ITSN2: variants seen among roughly 807,000 people sequenced by gnomAD.
ITSN2 encodes intersectin-2.
ITSN2 carries 156 observed loss-of-function variants against 243.7 expected under a neutral mutation model. That is an observed-to-expected ratio of 0.64 (90% confidence interval 0.56 to 0.73). ITSN2 has a LOEUF of 0.73. Among genes scored for constraint, ITSN2 ranks in the 30% least tolerant of loss-of-function variants. ITSN2 has a pLI of 0.00. For synonymous variants in ITSN2, 703 were observed against 699.9 expected, an observed-to-expected ratio of 1.00 and a Z score of -0.07; for missense variants, 1,801 against 1,996.1, an observed-to-expected ratio of 0.90 and a Z score of 1.86.
chr2:24,244,818 T>C (rs770830231), intron 29 of ITSN2, among the ~76,000 whole-genome samples: 5 of 152,200 alleles, frequency 3.3e-5, no homozygotes, highest in Non-Finnish European at 7.4e-5. Context: ...TTGGGAAACT[T>C]AGTTGCTTTA....
At chr2:24,281,996 G>C (rs1386028699) in intron 17 of ITSN2, among the ~76,000 whole-genome samples, 1 of 152,216 alleles carries the variant, frequency 6.6e-6, no homozygotes, top group Non-Finnish European at 1.5e-5. Context: ...GAGTGGGCCA[G>C]GGAAGTACTG....
intron 1 of ITSN2, among the ~76,000 whole-genome samples, chr2:24,338,348 G>C (rs1314470333): frequency 6.6e-6 from 1 of 152,052 alleles, no homozygotes; most frequent in Non-Finnish European, 1.5e-5. Context: ...CACCTTTCTG[G>C]ATGGAACCAA....
In ITSN2 at chr2:24,209,997, G is replaced by A. The variant is rs1669309597; in HGVS notation, c.4294C>T (p.Pro1432Ser). 5.6e-6 allele frequency: 9 copies of A among 1,613,906 alleles called. No homozygotes were observed. Among genetic ancestry groups the A allele is most frequent in the Non-Finnish European group, 5.1e-6 (6 of 1,179,922 alleles). Reference protein sequence around the residue: ...IFNSLTNCLGPRKLLHSGKLY... With the variant: ...IFNSLTNCLGSRKLLHSGKLY... ...TTCCCACTGTGTAAGAGCTTCCGGG[G>A]CCCCAGGCAGTTGGTGAGAGAGTTG... Residue 1432 changes from proline to serine, a missense_variant, in exon 35 of 40, where the codon CCC becomes TCC. Pro to Ser is a moderately conservative substitution (Grantham distance 74). Coordinates refer to ENST00000355123, the MANE Select transcript of ITSN2 (RefSeq NM_006277.3).
At chr2:24,264,397 A>AAAAG (rs1393830755) in intron 20 of ITSN2, among the ~76,000 whole-genome samples, 2 of 117,100 alleles carry the variant, frequency 1.7e-5, no homozygotes, top group Admixed American at 1.9e-4. Flanking sequence ...TCAAAAAAAA[A>AAAAG]AAAGAAAGAA....
At chr2:24,265,046 C>T (rs988817726) in intron 20 of ITSN2, among the ~76,000 whole-genome samples, 8 of 152,146 alleles carry the variant, frequency 5.3e-5, no homozygotes, top group African/African-American at 1.9e-4. Flanking sequence ...CCATTTTGGT[C>T]TCCCAAAGTG....
At chr2:24,350,127 A>AT (rs1273294609) in intron 1 of ITSN2, among the ~76,000 whole-genome samples, 2 of 152,208 alleles carry the variant, frequency 1.3e-5, no homozygotes, top group African/African-American at 4.8e-5. Flanking sequence ...GCCTATTCTA[A>AT]TACATAAATA....
intron 29 of ITSN2, among the ~76,000 whole-genome samples, chr2:24,236,796 A>G (rs1252063864): frequency 6.6e-6 from 1 of 150,642 alleles, no homozygotes; most frequent in East Asian, 1.9e-4. Flanking sequence ...CAGCCTCCTG[A>G]GTAGCTAGGA....
chr2:24,248,334 A>G (rs998768576), intron 27 of ITSN2, among the ~76,000 whole-genome samples: 3 of 152,176 alleles, frequency 2.0e-5, no homozygotes. Flanking sequence ...GGGAAAGATG[A>G]TGCTGTTTCT....
intron 17 of ITSN2, among the ~76,000 whole-genome samples, chr2:24,281,803 C>T (rs1257904127): frequency 6.6e-6 from 1 of 152,220 alleles, no homozygotes; most frequent in Non-Finnish European, 1.5e-5. Flanking sequence ...AACCTTGCCT[C>T]ATTAGGCCAT....
chr2:24,294,956 C>T (rs1574192112), intron 14 of ITSN2, among the ~76,000 whole-genome samples: 1 of 152,162 alleles, frequency 6.6e-6, no homozygotes, highest in African/African-American at 2.4e-5. Context: ...AAGGAGACAG[C>T]AAGCCCTCAT....
intron 15 of ITSN2, among the ~76,000 whole-genome samples, chr2:24,292,997 A>G (rs570036685): frequency 2.0e-5 from 3 of 152,252 alleles, no homozygotes; most frequent in Non-Finnish European, 2.9e-5. Context: ...TACTTTAGTC[A>G]GTTGTAACAC....
At chr2:24,215,003 G>C (rs1669829807) in intron 32 of ITSN2, among the ~76,000 whole-genome samples, 1 of 152,106 alleles carries the variant, frequency 6.6e-6, no homozygotes, top group South Asian at 2.1e-4. Context: ...TTCTACTACT[G>C]AACAACATCA....
chr2:24,347,490 C>T (rs1687647961), intron 1 of ITSN2, among the ~76,000 whole-genome samples: 1 of 152,174 alleles, frequency 6.6e-6, no homozygotes, highest in Non-Finnish European at 1.5e-5. Flanking sequence ...AGTTCGAGAC[C>T]AGCCTGACCA....
Position 24,204,191 on chromosome 2 carries a change from C to G in ITSN2, c.4936+54G>C. The G allele has an allele frequency of 6.3e-7, 1 of 1,583,322 alleles. No homozygotes were observed. Among genetic ancestry groups the G allele is most frequent in the Non-Finnish European group, 8.7e-7 (1 of 1,154,780 alleles). The stretch of plus-strand genomic sequence containing the variant: ...AGCTGAAGCCCCTAGATCTGGACTC[C>G]AGGATCTAGGAAACTGGGAAAGCCT... On this transcript the variant is annotated intron_variant, in intron 39 of 39. Coordinates refer to ENST00000355123, the MANE Select transcript of ITSN2 (RefSeq NM_006277.3). This position sits in a 1 kb window ranked among gnomAD's most constrained non-coding sequence, Gnocchi z 5.1.
Position 24,328,110 on chromosome 2 carries a change from A to G in ITSN2, c.-28T>C. ...TCCTGAGTTTTCCTTGCTAGCTCTC[A>G]GCCATCTGCAACATAAAAATATTGT... On this transcript the variant is annotated 5_prime_UTR_variant, in exon 2 of 40. Coordinates refer to ENST00000355123, the MANE Select transcript of ITSN2 (RefSeq NM_006277.3). 2 of 1,612,532 alleles carry G rather than the reference A, an allele frequency of 1.2e-6. No individual in the cohort carries two copies. The highest frequency in any genetic ancestry group is 1.7e-6 in the Non-Finnish European group (2 of 1,178,750).
At chr2:24,327,889 T>A (rs752777016) in intron 2 of ITSN2, among the ~76,000 whole-genome samples, 163 bp downstream of exon 2, 1 of 152,224 alleles carries the variant, frequency 6.6e-6, no homozygotes, top group South Asian at 2.1e-4. Flanking sequence ...CAACATAATA[T>A]TCTTACAGAA....
intron 15 of ITSN2, among the ~76,000 whole-genome samples, chr2:24,291,740 G>A (rs1304737326): frequency 1.3e-5 from 2 of 151,970 alleles, no homozygotes; most frequent in East Asian, 1.9e-4. Context: ...CGCCTGCCTT[G>A]GCCTCCCAAA....
At chr2:24,252,666 AG>A (rs1161518993) in intron 24 of ITSN2, among the ~76,000 whole-genome samples, 155 bp from the exon 25 acceptor site, 9 of 152,238 alleles carry the variant, frequency 5.9e-5, no homozygotes, top group African/African-American at 2.2e-4. Context: ...AGGTAGAAAA[AG>A]GAACGAAGCA....
intron 33 of ITSN2, 84 bp downstream of exon 33, chr2:24,212,566 A>T: frequency 9.5e-7 from 1 of 1,048,486 alleles, no homozygotes; most frequent in Non-Finnish European, 1.4e-6. Flanking sequence ...TGGCATGCTC[A>T]GGGCTCCCTG....
Sources: allele counts gnomAD v4.1 joint callset (sites outside exome capture counted in the v4.1 genomes callset), GRCh38; gene constraint gnomAD v4.1.1; non-coding constraint Gnocchi (gnomAD v3.1); transcripts MANE v1.5; gene names NCBI Gene and HGNC (gene_info 2026-07-23, HGNC 2026-07-21).